The following DEPTOR variants were observed in gnomAD, a reference collection of about 807,000 sequenced individuals.
DEPTOR encodes the protein DEP domain-containing mTOR-interacting protein.
A neutral mutation model predicts 41.6 loss-of-function variants in DEPTOR; 41 were observed. The ratio of observed to expected loss-of-function variants is 0.98; its 90% CI spans 0.77 to 1.28. DEPTOR has a LOEUF of 1.28. Among genes scored for constraint, DEPTOR ranks in the 50% most tolerant of loss-of-function variants. DEPTOR has a pLI of 0.00. For synonymous variants in DEPTOR, 195 were observed against 192.3 expected, an observed-to-expected ratio of 1.01 and a Z score of -0.12; for missense variants, 514 against 527.9, an observed-to-expected ratio of 0.97 and a Z score of 0.26.
intron 3 of DEPTOR, among the ~76,000 whole-genome samples, chr8:119,951,262 G>A (rs1586629682): frequency 1.3e-5 from 2 of 152,170 alleles, no homozygotes; most frequent in African/African-American, 2.4e-5. Context: ...TGTCAAATGA[G>A]CCTTTATAAT....
chr8:120,029,011 T>G (rs918526705), intron 8 of DEPTOR, among the ~76,000 whole-genome samples: 1 of 151,510 alleles, frequency 6.6e-6, no homozygotes, highest in African/African-American at 2.4e-5. Context: ...AGGCAGAGGT[T>G]GTAGTGAGCT....
chr8:119,961,007 G>A (rs1828483207), intron 3 of DEPTOR, among the ~76,000 whole-genome samples: 1 of 149,006 alleles, frequency 6.7e-6, no homozygotes, highest in South Asian at 2.2e-4. Flanking sequence ...AGAAAGAAAA[G>A]TGGCTTGCCT....
chr8:119,994,778 A>C (rs1229499946), intron 4 of DEPTOR, among the ~76,000 whole-genome samples: 1 of 151,902 alleles, frequency 6.6e-6, no homozygotes, highest in Non-Finnish European at 1.5e-5. Flanking sequence ...TTAGCCGGGC[A>C]TGGTGGTGCA....
chr8:119,906,875 C>T lies in DEPTOR; in HGVS notation c.123-21525C>T, dbSNP rs537103115. Among the ~76,000 whole-genome samples the T allele has an allele frequency of 2.6e-5, 4 of 152,254 alleles. No individual in the cohort carries two copies. The South Asian group carries it at 8.3e-4, about 32-fold the overall frequency. On this transcript the variant is annotated intron_variant, in intron 1 of 8. Coordinates refer to ENST00000286234, the MANE Select transcript of DEPTOR (RefSeq NM_022783.4). The stretch of plus-strand genomic sequence containing the variant: ...TTTCTCTGTGTCTTCTGAGAGCATT[C>T]GCGTTGTTCATCAGGGCCAATAGTA...
At chr8:120,034,443 C>CTTTTTTTT (rs148465030) in intron 8 of DEPTOR, among the ~76,000 whole-genome samples, 31 of 91,562 alleles carry the variant, frequency 3.4e-4, no homozygotes, top group South Asian at 7.9e-4. Context: ...TTTCCTTTTT[C>CTTTTTTTT]TTTTTTTTTT....
At chr8:120,048,161 C>T (rs561887533) in intron 8 of DEPTOR, among the ~76,000 whole-genome samples, 4 of 152,210 alleles carry the variant, frequency 2.6e-5, no homozygotes, top group African/African-American at 9.6e-5. Flanking sequence ...TCTTATTTGG[C>T]AGTGCAAAAA....
At chr8:120,013,704 T>G (rs1228922092) in intron 8 of DEPTOR, among the ~76,000 whole-genome samples, 2 of 152,178 alleles carry the variant, frequency 1.3e-5, no homozygotes, top group African/African-American at 2.4e-5. Context: ...TCAGTGTCCC[T>G]TCCTGCACTG....
intron 1 of DEPTOR, among the ~76,000 whole-genome samples, chr8:119,908,082 CT>C (rs1298522390): frequency 6.6e-6 from 1 of 152,126 alleles, no homozygotes; most frequent in Non-Finnish European, 1.5e-5. Context: ...CCACCAACCA[CT>C]AGGAAAAGTG....
chr8:119,977,322 A>G (rs1213477657), intron 4 of DEPTOR, among the ~76,000 whole-genome samples: 2 of 151,906 alleles, frequency 1.3e-5, no homozygotes, highest in Non-Finnish European at 2.9e-5. Flanking sequence ...TTTTTTTTAG[A>G]TGAAGACGTT....
At chr8:119,988,843 A>T (rs1192255927) in intron 4 of DEPTOR, among the ~76,000 whole-genome samples, 1 of 152,196 alleles carries the variant, frequency 6.6e-6, no homozygotes, top group Non-Finnish European at 1.5e-5. Context: ...AGATGAAGAA[A>T]ACTAAAATTC....
At chr8:119,917,362 G>A (rs1465832952) in intron 1 of DEPTOR, among the ~76,000 whole-genome samples, 1 of 152,180 alleles carries the variant, frequency 6.6e-6, no homozygotes. Context: ...GATTGTTACT[G>A]TGTCTGTGTA....
At chr8:119,878,558 A>T (rs1005710701) in intron 1 of DEPTOR, among the ~76,000 whole-genome samples, 2 of 149,418 alleles carry the variant, frequency 1.3e-5, no homozygotes, top group South Asian at 4.3e-4. Flanking sequence ...CGATCTCTTG[A>T]CCTCGTGATC....
At chr8:120,001,825 T>C (rs2130081793) in intron 5 of DEPTOR, 115 bp downstream of exon 5, 2 of 1,273,098 alleles carry the variant, frequency 1.6e-6, no homozygotes, top group East Asian at 2.6e-5. Context: ...TTTTTACTTA[T>C]TCATAACCAA....
At chr8:120,038,414 A>G (rs1293423113) in intron 8 of DEPTOR, among the ~76,000 whole-genome samples, 2 of 152,020 alleles carry the variant, frequency 1.3e-5, no homozygotes, top group African/African-American at 2.4e-5. Context: ...AGCCTGGGCA[A>G]CATGGCAAAA....
intron 3 of DEPTOR, among the ~76,000 whole-genome samples, chr8:119,958,556 T>C (rs917035772): frequency 6.6e-6 from 1 of 151,482 alleles, no homozygotes; most frequent in Non-Finnish European, 1.5e-5. Flanking sequence ...AGGCCGAGGG[T>C]GAATCACTTG....
chr8:119,947,500 AGT>A (rs1421940619), intron 3 of DEPTOR, among the ~76,000 whole-genome samples: 1 of 152,160 alleles, frequency 6.6e-6, no homozygotes, highest in Admixed American at 6.5e-5. Context: ...GACTGAAGTT[AGT>A]CACTGATGCT....
In DEPTOR at chr8:119,873,751, AG is replaced by A; in HGVS notation, c.-95del. 1 of 1,538,232 alleles carries A rather than the reference AG, an allele frequency of 6.5e-7. No homozygotes were observed. Among genetic ancestry groups the A allele is most frequent in the South Asian group, 1.2e-5 (1 of 83,522 alleles). On this transcript the variant is annotated 5_prime_UTR_variant, in exon 1 of 9. Transcript: ENST00000286234. The stretch of plus-strand genomic sequence containing the variant: ...AGAGCAGCGGAGCTGCCCCGAACAA[AG>A]ATGGCGCGGGAAGCGTCTGTGAGGG...
At chr8:119,941,081 G>T (rs949442250) in intron 3 of DEPTOR, among the ~76,000 whole-genome samples, 3 of 151,868 alleles carry the variant, frequency 2.0e-5, no homozygotes, top group African/African-American at 4.8e-5. Flanking sequence ...ACTTAAAAAT[G>T]GTTAAAATGG....
chr8:119,923,319 C>T (rs773461889), intron 1 of DEPTOR, among the ~76,000 whole-genome samples: 4 of 152,018 alleles, frequency 2.6e-5, no homozygotes, highest in Non-Finnish European at 4.4e-5. Flanking sequence ...TCTTGGCTCA[C>T]GGCAACTTCC....
Sources: allele counts gnomAD v4.1 joint callset (sites outside exome capture counted in the v4.1 genomes callset), GRCh38; gene constraint gnomAD v4.1.1; transcripts MANE v1.5; gene names NCBI Gene and HGNC (gene_info 2026-07-23, HGNC 2026-07-21).